The following AOAH variants were observed in gnomAD, a reference collection of about 807,000 sequenced individuals.
AOAH encodes acyloxyacyl hydrolase.
In AOAH, 64 loss-of-function variants were observed where a neutral mutation model predicts 92.2. The observed-to-expected ratio is 0.69, with a 90% CI of 0.57 to 0.86. The LOEUF (loss-of-function observed/expected upper bound fraction) is 0.86, where lower values mean the gene tolerates loss of function less well. Among genes scored for constraint, AOAH ranks in the 40% least tolerant of loss-of-function variants. The probability of loss-of-function intolerance (pLI) is 0.00; values close to 1 mark genes in which losing one functional copy is unlikely to be tolerated. For synonymous variants in AOAH, 263 were observed against 254.5 expected (o/e 1.03, Z -0.32); for missense variants, 656 against 694.6 (o/e 0.94, Z 0.62).
At chr7:36,719,614 T>C (rs1799487687) in intron 1 of AOAH, among the ~76,000 whole-genome samples, 2 of 152,082 alleles carry the variant, frequency 1.3e-5, no homozygotes, top group Non-Finnish European at 2.9e-5. Flanking sequence ...GGAATGGCAA[T>C]TAAAAGACAG....
Position 36,517,943 on chromosome 7 carries a change from ACCCACACACACACACACACACACACACG to A in AOAH, c.1599+4068_1599+4095del, listed in dbSNP as rs1783900039. 1.5e-4 allele frequency among the ~76,000 whole-genome samples: 5 copies of A among 33,094 alleles called. No individual in the cohort carries two copies. In the South Asian group the frequency reaches 5.1e-3, roughly 34 times the overall value. 21.7% of individuals were successfully genotyped at this position (33,094 alleles called of 152,430 possible). On this transcript the variant is annotated intron_variant, in intron 20 of 20. Coordinates refer to ENST00000617537, the MANE Select transcript of AOAH (RefSeq NM_001637.4). ...CACACACACACACCCACACACACAC[ACCCACACACACACACACACACACACACG>A]CACACACACACACTGGATTCCTCTT...
chr7:36,521,853 A>G (rs1432092203), intron 20 of AOAH, among the ~76,000 whole-genome samples, 186 bp downstream of exon 20: 1 of 152,126 alleles, frequency 6.6e-6, no homozygotes, highest in Non-Finnish European at 1.5e-5. Context: ...TTTCTACTTT[A>G]TTTCCCTATT....
In AOAH at chr7:36,573,571, A is replaced by T. The variant is rs1239384297; in HGVS notation, c.1021+3003T>A. ...TGTCTCTACTAAAAATACAAAAAAT[A>T]GCTGAGCGTGGTGGCATGTGCCTGT... On this transcript the variant is annotated intron_variant, in intron 13 of 20. Transcript: ENST00000617537. 1.3e-5 allele frequency among the ~76,000 whole-genome samples: 2 copies of T among 152,134 alleles called. 1 individual carries two copies. The highest frequency in any genetic ancestry group is 2.9e-5 in the Non-Finnish European group (2 of 68,022).
intron 13 of AOAH, among the ~76,000 whole-genome samples, chr7:36,567,872 G>C (rs116478566): frequency 0.01 from 1,569 of 152,308 alleles, 30 homozygotes; most frequent in African/African-American, 0.036. Context: ...CCCAGAGGCG[G>C]CATCTCTCCT....
intron 13 of AOAH, among the ~76,000 whole-genome samples, chr7:36,557,130 G>T (rs1355739105): frequency 1.4e-4 from 21 of 152,122 alleles, no homozygotes; most frequent in Admixed American, 8.5e-4. Context: ...TACCAGTTGT[G>T]CCTTTCCATG....
intron 19 of AOAH, among the ~76,000 whole-genome samples, chr7:36,525,639 A>G (rs914852914): frequency 2.0e-5 from 3 of 152,214 alleles, no homozygotes; most frequent in African/African-American, 7.2e-5. Flanking sequence ...TAAAATTCAA[A>G]ACTTTTTGAG....
intron 3 of AOAH, among the ~76,000 whole-genome samples, chr7:36,670,066 G>T (rs1040066078): frequency 2.7e-5 from 4 of 150,432 alleles, no homozygotes; most frequent in Non-Finnish European, 4.4e-5. Flanking sequence ...TCCTTTTTTT[G>T]TTTTTTTTTT....
chr7:36,633,762 A>G (rs1006453763), intron 5 of AOAH, among the ~76,000 whole-genome samples: 1 of 152,298 alleles, frequency 6.6e-6, no homozygotes, highest in Middle Eastern at 3.4e-3. Flanking sequence ...GCGTGGGAAG[A>G]TGGCCTGGAG....
intron 6 of AOAH, among the ~76,000 whole-genome samples, chr7:36,627,890 C>T (rs527330805): frequency 6.6e-6 from 1 of 152,170 alleles, no homozygotes. Context: ...CAAGTTCAAA[C>T]TCCCTAAAAT....
chr7:36,513,396 C>T lies in AOAH; in HGVS notation c.1600-16G>A, dbSNP rs1262919010. 1.2e-6 allele frequency: 2 copies of T among 1,610,978 alleles called. No individual in the cohort carries two copies. The highest frequency in any genetic ancestry group is 1.1e-5 in the South Asian group (1 of 90,970). On this transcript the variant is annotated splice_polypyrimidine_tract_variant and intron_variant, in intron 20 of 20. Coordinates refer to ENST00000617537, the MANE Select transcript of AOAH (RefSeq NM_001637.4). Reference sequence around the variant, plus strand: ...GCAAAGCCACCTGTGAGAGAGAACCCAAAGGACGAGGAAAAGGGAAATTAG... The same window carrying T: ...GCAAAGCCACCTGTGAGAGAGAACCTAAAGGACGAGGAAAAGGGAAATTAG...
intron 5 of AOAH, among the ~76,000 whole-genome samples, chr7:36,633,935 C>A (rs6947972): frequency 1.3e-5 from 2 of 152,136 alleles, no homozygotes; most frequent in Non-Finnish European, 2.9e-5. Context: ...CCCAGATGCC[C>A]GCCGCACAAA....
At chr7:36,621,638 G>A in intron 8 of AOAH, 72 bp downstream of exon 8, 1 of 1,389,482 alleles carries the variant, frequency 7.2e-7, no homozygotes, top group Non-Finnish European at 1.0e-6. Context: ...CTAGGCTGGG[G>A]GAAGGAAATG....
intron 15 of AOAH, 85 bp downstream of exon 15, chr7:36,548,527 T>A (rs1002797984): frequency 1.8e-6 from 2 of 1,133,278 alleles, no homozygotes; most frequent in Admixed American, 3.4e-5. Flanking sequence ...AGCAGGCTGC[T>A]ATAATGGAGT....
At chr7:36,582,529 C>T (rs1789005177) in intron 12 of AOAH, among the ~76,000 whole-genome samples, 1 of 152,200 alleles carries the variant, frequency 6.6e-6, no homozygotes, top group Admixed American at 6.5e-5. Flanking sequence ...CTCTTCCCAA[C>T]ATTGGCTCAG....
intron 10 of AOAH, among the ~76,000 whole-genome samples, chr7:36,616,862 T>C (rs1791925984): frequency 6.6e-6 from 1 of 152,250 alleles, no homozygotes; most frequent in South Asian, 2.1e-4. Context: ...GGGTTAATGA[T>C]CTTATGGAGC....
intron 4 of AOAH, among the ~76,000 whole-genome samples, chr7:36,651,814 TATAAA>T (rs1043387744): frequency 2.6e-5 from 4 of 152,188 alleles, no homozygotes; most frequent in Non-Finnish European, 4.4e-5. Flanking sequence ...TAATTTTACC[TATAAA>T]ATAGAGTTTG....
In AOAH at chr7:36,663,940, T is replaced by C. The variant is rs574707449; in HGVS notation, c.291-4675A>G. On this transcript the variant is annotated intron_variant, in intron 3 of 20. Coordinates refer to ENST00000617537, the MANE Select transcript of AOAH (RefSeq NM_001637.4). ...ACAGTGGTATCTCATTGTTTTAATT[T>C]GCAGTCCTCTAACAACATATAATGT... 2.8e-4 allele frequency among the ~76,000 whole-genome samples: 43 copies of C among 152,340 alleles called. 1 individual carries two copies. Among genetic ancestry groups the C allele is most frequent in the Non-Finnish European group, 3.7e-4 (25 of 68,022 alleles).
At chr7:36,594,149 T>C (rs917524221) in intron 12 of AOAH, among the ~76,000 whole-genome samples, 190 bp downstream of exon 12, 11 of 152,196 alleles carry the variant, frequency 7.2e-5, no homozygotes, top group East Asian at 1.9e-4. Context: ...AGCAGGAATA[T>C]GCTTTTCTTG....
At chr7:36,602,397 G>A (rs1049970690) in intron 11 of AOAH, among the ~76,000 whole-genome samples, 1 of 150,876 alleles carries the variant, frequency 6.6e-6, no homozygotes, top group Non-Finnish European at 1.5e-5. Context: ...AAATGAGAAC[G>A]CATTGTACAG....
Sources: gnomAD v4.1 joint callset for allele counts (sites outside exome capture counted in the v4.1 genomes callset) on GRCh38, gnomAD v4.1.1 for gene constraint, MANE v1.5 for transcripts, NCBI Gene and HGNC (gene_info 2026-07-23, HGNC 2026-07-21) for gene names.